The following TRPM3 variants were observed in gnomAD, a reference collection of about 807,000 sequenced individuals.
TRPM3 encodes long transient receptor potential channel 3.
TRPM3 carries 77 observed loss-of-function variants against 181.2 expected under a neutral mutation model. That is an observed-to-expected ratio of 0.42 (90% CI 0.35 to 0.51). The LOEUF is 0.51. TRPM3 is among the 20% of genes least tolerant of loss of function. The pLI is 0.01. For missense variants in TRPM3, 1,759 were observed against 2,196.7 expected (o/e 0.80, Z 3.98); for synonymous variants, 745 against 796.4 (o/e 0.94, Z 1.09).
intron 1 of TRPM3, among the ~76,000 whole-genome samples, chr9:71,232,467 G>T (rs1050578348): frequency 7.1e-6 from 1 of 141,610 alleles, no homozygotes; most frequent in Non-Finnish European, 1.5e-5. Flanking sequence ...ATACTCTAAC[G>T]CACATGGAAA....
At chr9:70,560,824 A>C (rs948737474) in intron 22 of TRPM3, among the ~76,000 whole-genome samples, 13 of 152,230 alleles carry the variant, frequency 8.5e-5, no homozygotes, top group Non-Finnish European at 1.9e-4. Flanking sequence ...GGAGAGAGAA[A>C]TTAGGTTCAA....
At chr9:71,120,008 C>G (rs184488378) in intron 1 of TRPM3, among the ~76,000 whole-genome samples, 1 of 152,236 alleles carries the variant, frequency 6.6e-6, no homozygotes, top group East Asian at 1.9e-4. Context: ...TGGTGTTTAA[C>G]AAGAAAAGGA....
At chr9:71,052,768 A>T (rs191740064) in intron 1 of TRPM3, among the ~76,000 whole-genome samples, 129 of 152,180 alleles carry the variant, frequency 8.5e-4, no homozygotes, top group Non-Finnish European at 1.1e-3. Flanking sequence ...AGTTTGCTGA[A>T]AATGGCCAAA....
At chr9:71,283,505 C>T (rs532967173) in intron 1 of TRPM3, among the ~76,000 whole-genome samples, 3 of 152,184 alleles carry the variant, frequency 2.0e-5, no homozygotes, top group African/African-American at 4.8e-5. Flanking sequence ...GGGGTTTCAC[C>T]GTGTTAGCCA....
At chr9:70,899,770 T>G (rs1339616618) in intron 1 of TRPM3, among the ~76,000 whole-genome samples, 1 of 152,206 alleles carries the variant, frequency 6.6e-6, no homozygotes, top group African/African-American at 2.4e-5. Flanking sequence ...TGAACAACAC[T>G]GGGTTAGGAA....
intron 16 of TRPM3, among the ~76,000 whole-genome samples, chr9:70,619,480 CA>C (rs2063314525): frequency 7.9e-6 from 1 of 127,372 alleles, no homozygotes; most frequent in Non-Finnish European, 1.6e-5. Context: ...GTGGAATGAT[CA>C]TGGCTCACTG....
At chr9:70,866,786 A>G (rs990532686) in intron 1 of TRPM3, among the ~76,000 whole-genome samples, 35 of 152,054 alleles carry the variant, frequency 2.3e-4, no homozygotes, top group African/African-American at 7.2e-4. Context: ...TAATCAAACC[A>G]GATGATTCAG....
intron 1 of TRPM3, among the ~76,000 whole-genome samples, chr9:70,952,193 C>A (rs2097010056): frequency 6.6e-6 from 1 of 152,168 alleles, no homozygotes; most frequent in Admixed American, 6.5e-5. Flanking sequence ...TTTTCTTTAG[C>A]AGCAAGTTTT....
At chr9:70,616,593 G>A (rs2062818148) in intron 17 of TRPM3, among the ~76,000 whole-genome samples, 1 of 139,398 alleles carries the variant, frequency 7.2e-6, no homozygotes, top group Admixed American at 7.5e-5. Context: ...AAAAAATGCT[G>A]TCCTAAGTTG....
intron 1 of TRPM3, among the ~76,000 whole-genome samples, chr9:70,988,665 A>T (rs549876678): frequency 6.6e-6 from 1 of 152,318 alleles, no homozygotes; most frequent in East Asian, 1.9e-4. Flanking sequence ...TGATCTTAAA[A>T]TATGATTATT....
chr9:71,256,839 G>A (rs1025347158), intron 1 of TRPM3, among the ~76,000 whole-genome samples: 3 of 152,104 alleles, frequency 2.0e-5, no homozygotes, highest in South Asian at 2.1e-4. Context: ...AAGGTTTAGA[G>A]AGGCAGATAA....
In TRPM3 at chr9:70,900,411, AT is replaced by A. The variant is rs143912701; in HGVS notation, c.178-35901del. Among the ~76,000 whole-genome samples the A allele has an allele frequency of 3.7e-3, 564 of 152,278 alleles. 7 individuals are homozygous for A. Among genetic ancestry groups the A allele is most frequent in the African/African-American group, 0.013 (548 of 41,554 alleles). On this transcript the variant is annotated intron_variant, in intron 1 of 25. Coordinates refer to ENST00000677713, the MANE Select transcript of TRPM3 (RefSeq NM_001366145.2). ...TACAGAGATTAAGGAAGTAAAAAAA[AT>A]AATTGTAGTGACATTTGGAATTCAA... is the stretch of plus-strand genomic sequence containing the variant.
At chr9:71,200,144 CA>C (rs1292762701) in intron 1 of TRPM3, among the ~76,000 whole-genome samples, 1 of 152,074 alleles carries the variant, frequency 6.6e-6, no homozygotes, top group Non-Finnish European at 1.5e-5. Flanking sequence ...AGTAGTCATT[CA>C]GGAGGAGGTT....
chr9:70,589,914 T>G (rs1163377727), intron 22 of TRPM3, among the ~76,000 whole-genome samples: 1 of 152,186 alleles, frequency 6.6e-6, no homozygotes, highest in Non-Finnish European at 1.5e-5. Context: ...CCTATTTTCC[T>G]GGTCTCAGTC....
chr9:71,119,383 A>T lies in TRPM3; in HGVS notation c.177+1795T>A, dbSNP rs1206000283. 4.6e-5 allele frequency among the ~76,000 whole-genome samples: 7 copies of T among 152,292 alleles called. No individual in the cohort carries two copies. In the East Asian group the frequency reaches 1.2e-3, roughly 25 times the overall value. ...ATGCCAATGAAAGTATGGCTGTAGCATTAACAATGTCTCCTGAAAGTATGG... is the reference window on the plus strand; with the variant it reads ...ATGCCAATGAAAGTATGGCTGTAGCTTTAACAATGTCTCCTGAAAGTATGG... On this transcript the variant is annotated intron_variant, in intron 1 of 25. Coordinates refer to ENST00000677713, the MANE Select transcript of TRPM3 (RefSeq NM_001366145.2).
At chr9:71,210,884 T>A (rs1018102789) in intron 1 of TRPM3, among the ~76,000 whole-genome samples, 3 of 152,216 alleles carry the variant, frequency 2.0e-5, no homozygotes, top group African/African-American at 7.2e-5. Context: ...GGCTGTGTTC[T>A]CACGTGGCAG....
intron 1 of TRPM3, among the ~76,000 whole-genome samples, chr9:71,107,246 T>C (rs555445105): frequency 6.6e-6 from 1 of 152,284 alleles, no homozygotes; most frequent in African/African-American, 2.4e-5. Flanking sequence ...TCAAGGGAGT[T>C]CCCACTGTGA....
intron 1 of TRPM3, among the ~76,000 whole-genome samples, chr9:71,224,737 GA>G (rs2080471921): frequency 6.6e-6 from 1 of 151,580 alleles, no homozygotes; most frequent in Non-Finnish European, 1.5e-5. Context: ...AGAAAATCTG[GA>G]GTTGAAAAAT....
At chr9:70,690,380 C>A (rs941151135) in intron 8 of TRPM3, among the ~76,000 whole-genome samples, 1 of 152,148 alleles carries the variant, frequency 6.6e-6, no homozygotes, top group African/African-American at 2.4e-5. Flanking sequence ...AAAAATGGTA[C>A]ATCTTCGGCT....
Sources: gnomAD v4.1 joint callset for allele counts (sites outside exome capture counted in the v4.1 genomes callset) on GRCh38, gnomAD v4.1.1 for gene constraint, MANE v1.5 for transcripts, NCBI Gene and HGNC (gene_info 2026-07-23, HGNC 2026-07-21) for gene names.